GYG2: variants seen among roughly 807,000 people sequenced by gnomAD.
The protein encoded by GYG2 is glycogenin-2.
In GYG2, 29 loss-of-function variants were observed where a neutral mutation model predicts 29.4. The observed-to-expected ratio is 0.99, with a 90% CI of 0.74 to 1.35. The LOEUF is 1.35. Ranked by LOEUF, GYG2 falls within the 40% of genes most tolerant of loss-of-function variation. The pLI is 0.00. For synonymous variants in GYG2, 167 were observed against 172.3 expected (o/e 0.97, Z 0.24); for missense variants, 370 against 385.7 (o/e 0.96, Z 0.34).
intron 3 of GYG2, among the ~76,000 whole-genome samples, chrX:2,848,494 C>G (rs1406682096): frequency 3.1e-5 from 3 of 95,595 alleles, no homozygotes; most frequent in African/African-American, 1.4e-4. Context: ...GCCCAGATCG[C>G]GCCACCTGCA....
Position 2,881,221 on chromosome X carries a change from G to A in GYG2, c.*8G>A. On this transcript the variant is annotated 3_prime_UTR_variant, in exon 11 of 11. Transcript: ENST00000398806. ...GACCGGTTCCTGCAGTAATCCGGCA[G>A]CTGGTGGGCGTTGTGTGTAGTTAGA... is the stretch of plus-strand genomic sequence containing the variant. 8.6e-7 allele frequency: 1 copy of A among 1,166,800 alleles called. No homozygotes were observed. The highest frequency in any genetic ancestry group is 1.1e-6 in the Non-Finnish European group (1 of 871,142).
Position 2,875,894 on chromosome X carries a change from A to G in GYG2, c.1123A>G (p.Thr375Ala). The change falls in exon 9 of 11, where the codon ACA becomes GCA. Residue 375 changes from threonine (T) to alanine (A), a missense_variant. Transcript: ENST00000398806. ...GCCTTCCCCTCAGCCTGCAGACTTC[A>G]CAGAGACTGAAACCATCTTGGTATT... is the stretch of plus-strand genomic sequence containing the variant. The part of the protein sequence containing the change: ...SQPSPQPADF[T>A]ETETILQPAN... 1.7e-6 allele frequency: 2 copies of G among 1,146,286 alleles called. No homozygotes were observed. Among genetic ancestry groups the G allele is most frequent in the Non-Finnish European group, 2.4e-6 (2 of 836,657 alleles). The allele number at this position is 1,146,286 out of a possible 1,213,427, so 94.5% of individuals were successfully genotyped here.
intron 2 of GYG2, among the ~76,000 whole-genome samples, chrX:2,831,983 G>A (rs754535821): frequency 8.9e-6 from 1 of 112,442 alleles, no homozygotes; most frequent in Admixed American, 9.4e-5. Context: ...AGTGTCCGCC[G>A]CAGTGGCACT....
At chrX:2,870,296 G>A (rs1458845326) in intron 8 of GYG2, among the ~76,000 whole-genome samples, 5 of 110,561 alleles carry the variant, frequency 4.5e-5, no homozygotes, top group African/African-American at 1.3e-4. Context: ...CCGCCTCCTG[G>A]GTTCAAGCGA....
chrX:2,852,863 C>T (rs1471773822), intron 3 of GYG2: 4 of 111,790 alleles, frequency 3.6e-5, no homozygotes, highest in African/African-American at 9.8e-5. Context: ...AATTATATAT[C>T]GCTTCACAAA....
At chrX:2,832,267 G>A (rs1480063897) in intron 2 of GYG2, among the ~76,000 whole-genome samples, 1 of 112,244 alleles carries the variant, frequency 8.9e-6, no homozygotes, top group African/African-American at 3.2e-5. Flanking sequence ...TCTGAGTCTC[G>A]GATCCCTTGT....
intron 6 of GYG2, among the ~76,000 whole-genome samples, chrX:2,858,880 A>G (rs1224572992): frequency 9.0e-6 from 1 of 111,592 alleles, no homozygotes; most frequent in African/African-American, 3.3e-5. Flanking sequence ...TGTAAAAGAG[A>G]AAAAAAGCCA....
intron 10 of GYG2, among the ~76,000 whole-genome samples, chrX:2,879,900 T>G (rs1022919365): frequency 9.1e-6 from 1 of 110,264 alleles, no homozygotes; most frequent in Admixed American, 9.7e-5. Context: ...ATAAATAGAA[T>G]GGATGGACAG....
chrX:2,848,495 G>T (rs1302595981), intron 3 of GYG2, among the ~76,000 whole-genome samples: 1 of 95,624 alleles, frequency 1.0e-5, no homozygotes, highest in Admixed American at 1.1e-4. Context: ...CCCAGATCGC[G>T]CCACCTGCAC....
At chrX:2,830,246 G>A in intron 2 of GYG2, 51 bp downstream of exon 2, 3 of 1,081,093 alleles carry the variant, frequency 2.8e-6, no homozygotes. Context: ...TACTGGCTTG[G>A]GTGACAGATT....
chrX:2,842,068 C>T (rs1433580202), intron 2 of GYG2, among the ~76,000 whole-genome samples: 1 of 112,530 alleles, frequency 8.9e-6, no homozygotes, highest in African/African-American at 3.2e-5. Flanking sequence ...TATGTTGTCT[C>T]TACCGCCTCA....
intron 8 of GYG2, among the ~76,000 whole-genome samples, chrX:2,875,170 C>A (rs2088565649): frequency 8.9e-6 from 1 of 111,971 alleles, no homozygotes; most frequent in Non-Finnish European, 1.9e-5. Flanking sequence ...CCCCATGCAG[C>A]CTTTCAGGGA....
At chrX:2,854,232 TTG>T (rs1035830558) in intron 4 of GYG2, 78 bp downstream of exon 4, 23 of 730,143 alleles carry the variant, frequency 3.2e-5, no homozygotes, top group South Asian at 8.0e-5. Flanking sequence ...CAACTTTTTT[TTG>T]TGTGTGTGTG....
rs863223369 is a variant in GYG2, at chrX:2,855,008, G to A, written c.340G>A (p.Asp114Asn). ...DADTLVLSNV[D>N]ELFDRGEFSA... The stretch of plus-strand genomic sequence containing the variant: ...GCTTCACCAGGTGCTGTCCAATGTC[G>A]ATGAGCTGTTTGACAGGGGAGAGTT... The change falls in exon 5 of 11, where the codon GAT (aspartate) becomes AAT (asparagine). Residue 114 changes from aspartate (D) to asparagine (N), a missense_variant. Coordinates refer to ENST00000398806, the MANE Select transcript of GYG2 (RefSeq NM_001079855.2). The A allele has an allele frequency of 2.2e-5, 27 of 1,211,262 alleles. No individual in the cohort carries two copies. The highest frequency in any genetic ancestry group is 2.7e-5 in the Non-Finnish European group (24 of 895,051).
At chrX:2,875,715 G>A in intron 8 of GYG2, 95 bp from the exon 9 acceptor site, 1 of 570,759 alleles carries the variant, frequency 1.8e-6, no homozygotes, top group Non-Finnish European at 2.9e-6. Flanking sequence ...TTGCACCATA[G>A]AGGCAGAAAA....
intron 10 of GYG2, among the ~76,000 whole-genome samples, chrX:2,880,051 CTAT>C (rs1308761618): frequency 9.0e-6 from 1 of 111,184 alleles, no homozygotes; most frequent in Non-Finnish European, 1.9e-5. Context: ...GTGTGTGTGT[CTAT>C]TATTGTTACC....
At chrX:2,875,397 T>G (rs139653415) in intron 8 of GYG2, among the ~76,000 whole-genome samples, 1,534 of 111,458 alleles carry the variant, frequency 0.014, 11 homozygotes, top group Non-Finnish European at 0.023. Context: ...TATTTTCTTA[T>G]GGAGGCCCAG....
chrX:2,879,270 CTT>C (rs752455317), intron 10 of GYG2, among the ~76,000 whole-genome samples: 25 of 93,389 alleles, frequency 2.7e-4, no homozygotes, highest in East Asian at 1.3e-3. Context: ...TATCTATTTT[CTT>C]TTTTTTTTTT....
At chrX:2,835,105 G>T (rs954630150) in intron 2 of GYG2, among the ~76,000 whole-genome samples, 3 of 111,478 alleles carry the variant, frequency 2.7e-5, no homozygotes, top group African/African-American at 9.8e-5. Flanking sequence ...GTTGCGGGGG[G>T]TGGTGCCAGG....
Sources: allele counts gnomAD v4.1 joint callset (sites outside exome capture counted in the v4.1 genomes callset), GRCh38; gene constraint gnomAD v4.1.1; transcripts MANE v1.5; gene names NCBI Gene and HGNC (gene_info 2026-07-23, HGNC 2026-07-21).